Variants in ITGBL1 observed in about 807,000 individuals in gnomAD.
ITGBL1 encodes the protein integrin beta-like protein 1.
In ITGBL1, 51 loss-of-function variants were observed where a neutral mutation model predicts 68.5. The observed-to-expected ratio is 0.74, with a 90% CI of 0.59 to 0.94. The LOEUF is 0.94. Ranked by LOEUF, ITGBL1 falls within the 40% of genes least tolerant of loss-of-function variation. ITGBL1 has a pLI of 0.00. For missense variants in ITGBL1, 649 were observed against 647.4 expected (o/e 1.00, Z -0.03); for synonymous variants, 209 against 227.3 (o/e 0.92, Z 0.72).
intron 7 of ITGBL1, among the ~76,000 whole-genome samples, chr13:101,606,778 C>T (rs2030887111): frequency 6.6e-6 from 1 of 151,866 alleles, no homozygotes; most frequent in Non-Finnish European, 1.5e-5. Context: ...TATTAATCCA[C>T]CAAGGTTCTA....
intron 2 of ITGBL1, among the ~76,000 whole-genome samples, chr13:101,468,295 C>G (rs2048411311): frequency 6.6e-6 from 1 of 152,176 alleles, no homozygotes; most frequent in Non-Finnish European, 1.5e-5. Context: ...CGAGAGACTT[C>G]TCTCAGTTGC....
At chr13:101,607,310 A>G (rs1214904798) in intron 7 of ITGBL1, among the ~76,000 whole-genome samples, 3 of 152,070 alleles carry the variant, frequency 2.0e-5, no homozygotes, top group East Asian at 1.9e-4. Context: ...AAATTAATAC[A>G]TGTTCTCTGA....
chr13:101,537,644 A>T (rs554384606), intron 2 of ITGBL1, among the ~76,000 whole-genome samples: 165 of 152,186 alleles, frequency 1.1e-3, no homozygotes, highest in African/African-American at 3.7e-3. Context: ...TAATTTAAAA[A>T]CACACATTTT....
chr13:101,628,733 C>T (rs2031878257), intron 7 of ITGBL1, among the ~76,000 whole-genome samples: 1 of 151,580 alleles, frequency 6.6e-6, no homozygotes, highest in Non-Finnish European at 1.5e-5. Context: ...AGCCACCACA[C>T]CCAGCCCTCT....
At chr13:101,608,933 GT>G (rs2030998534) in intron 7 of ITGBL1, among the ~76,000 whole-genome samples, 1 of 152,032 alleles carries the variant, frequency 6.6e-6, no homozygotes, top group African/African-American at 2.4e-5. Context: ...GAATTGGTGA[GT>G]TTTTTCAGAA....
At chr13:101,469,692 TAA>T (rs1171444776) in intron 2 of ITGBL1, among the ~76,000 whole-genome samples, 2 of 151,932 alleles carry the variant, frequency 1.3e-5, no homozygotes, top group African/African-American at 4.8e-5. Flanking sequence ...TTTCCATCTA[TAA>T]AAAAACAAAA....
At chr13:101,636,042 A>G (rs2032160695) in intron 7 of ITGBL1, among the ~76,000 whole-genome samples, 1 of 152,132 alleles carries the variant, frequency 6.6e-6, no homozygotes. Flanking sequence ...CTCAGTGATG[A>G]GAACTTTTTT....
intron 2 of ITGBL1, among the ~76,000 whole-genome samples, chr13:101,484,247 A>G (rs930463080): frequency 5.9e-5 from 9 of 152,128 alleles, no homozygotes; most frequent in Non-Finnish European, 1.0e-4. Context: ...TAAAAAATTT[A>G]CTTCTCTAAT....
chr13:101,495,424 C>T (rs1330292680), intron 2 of ITGBL1, among the ~76,000 whole-genome samples: 1 of 152,140 alleles, frequency 6.6e-6, no homozygotes, highest in Admixed American at 6.5e-5. Context: ...TTTTCTGTTC[C>T]CTTCCTAGAG....
chr13:101,467,534 T>A (rs893555320), intron 2 of ITGBL1, among the ~76,000 whole-genome samples: 21 of 152,334 alleles, frequency 1.4e-4, no homozygotes, highest in African/African-American at 4.8e-4. Flanking sequence ...GCTTTGTCTT[T>A]CCAAGAATCA....
intron 2 of ITGBL1, among the ~76,000 whole-genome samples, chr13:101,503,642 C>T (rs374817537): frequency 3.9e-5 from 6 of 152,062 alleles, no homozygotes; most frequent in Non-Finnish European, 8.8e-5. Context: ...CTGAGTTTCC[C>T]GAAAAATGAG....
intron 7 of ITGBL1, among the ~76,000 whole-genome samples, chr13:101,686,698 A>G (rs960100792): frequency 6.6e-5 from 10 of 151,950 alleles, no homozygotes; most frequent in African/African-American, 2.4e-4. Context: ...TTTTGGAGGC[A>G]GTTCATTACT....
At chr13:101,491,685 T>C (rs2048780050) in intron 2 of ITGBL1, among the ~76,000 whole-genome samples, 1 of 152,202 alleles carries the variant, frequency 6.6e-6, no homozygotes, top group South Asian at 2.1e-4. Flanking sequence ...TGCAGGTTTG[T>C]TACATAGGTA....
At chr13:101,507,877 T>C (rs770126550) in intron 2 of ITGBL1, among the ~76,000 whole-genome samples, 4 of 152,190 alleles carry the variant, frequency 2.6e-5, no homozygotes, top group East Asian at 1.9e-4. Flanking sequence ...AGATTGTACA[T>C]AGGGCATTGC....
rs201613817 is a variant in ITGBL1, at chr13:101,524,792, C to T, written c.317-42907C>T. ...TATTGGTGGTCATTACGCCAACTGA[C>T]GTATAGCTGTCATCACTGATGTAAT... is the stretch of plus-strand genomic sequence containing the variant. On this transcript the variant is annotated intron_variant, in intron 2 of 10. Transcript: ENST00000376180. Among the ~76,000 whole-genome samples the T allele has an allele frequency of 9.2e-5, 14 of 151,758 alleles. No homozygotes were observed. In the East Asian group the frequency reaches 1.4e-3, roughly 15 times the overall value.
At chr13:101,610,236 T>C (rs1179146436) in intron 7 of ITGBL1, among the ~76,000 whole-genome samples, 3 of 152,156 alleles carry the variant, frequency 2.0e-5, no homozygotes, top group Admixed American at 2.0e-4. Context: ...CAGATACTTT[T>C]ATGGGAAACA....
intron 9 of ITGBL1, chr13:101,711,927 G>C (rs1009432663): frequency 3.3e-5 from 5 of 152,356 alleles, no homozygotes; most frequent in Non-Finnish European, 7.3e-5. Context: ...CTGGGTCTCA[G>C]GGGTGTGAGT....
At chr13:101,652,476 G>T (rs2032782896) in intron 7 of ITGBL1, among the ~76,000 whole-genome samples, 1 of 152,164 alleles carries the variant, frequency 6.6e-6, no homozygotes, top group South Asian at 2.1e-4. Context: ...TTAGTATAAT[G>T]CCAGGAAACT....
rs565842544 is a variant in ITGBL1 at position 101,587,799 on chromosome 13, A to G, written c.868+4443A>G. ...CTAAAGGAAATGATTAAGTATATCC[A>G]GACCACATTTTCTTGAAAGGAAAAA... On this transcript the variant is annotated intron_variant, in intron 6 of 10. Transcript: ENST00000376180. Among the ~76,000 whole-genome samples, 24 of 152,364 alleles carry G rather than the reference A, an allele frequency of 1.6e-4. No individual in the cohort carries two copies. The South Asian group carries it at 5.0e-3, about 32-fold the overall frequency.
Sources: gnomAD v4.1 joint callset for allele counts (sites outside exome capture counted in the v4.1 genomes callset) on GRCh38, gnomAD v4.1.1 for gene constraint, MANE v1.5 for transcripts, NCBI Gene and HGNC (gene_info 2026-07-23, HGNC 2026-07-21) for gene names.